Variants in ROBO2 observed in about 807,000 individuals in gnomAD.
The protein encoded by ROBO2 is roundabout homolog 2.
A neutral mutation model predicts 160.8 loss-of-function variants in ROBO2; 53 were observed. The observed-to-expected ratio is 0.33, with a 90% confidence interval of 0.26 to 0.41. The LOEUF is 0.41. Ranked by LOEUF, ROBO2 falls within the 10% of genes least tolerant of loss-of-function variation. The pLI is 1.00. For synonymous variants in ROBO2, 664 were observed against 611.7 expected (o/e 1.09, Z -1.26); for missense variants, 1,577 against 1,722.4 (o/e 0.92, Z 1.49).
intron 2 of ROBO2, among the ~76,000 whole-genome samples, chr3:76,886,263 T>A (rs55883914): frequency 0.63 from 94,617 of 149,006 alleles, 30,017 homozygotes; most frequent in Middle Eastern, 0.72. Context: ...CAAAAAAATA[T>A]ATATATATAT....
intron 2 of ROBO2, among the ~76,000 whole-genome samples, chr3:77,317,933 C>T (rs1000150087): frequency 6.7e-6 from 1 of 148,588 alleles, no homozygotes; most frequent in Non-Finnish European, 1.5e-5. Context: ...GGGGCTGCGG[C>T]GCCAAGGCAG....
intron 2 of ROBO2, among the ~76,000 whole-genome samples, chr3:76,000,489 ATTTTTT>A (rs62945460): frequency 8.8e-6 from 1 of 114,164 alleles, no homozygotes; most frequent in Non-Finnish European, 1.9e-5. Flanking sequence ...TTGTGCGCTT[ATTTTTT>A]TTTTTTTTTT....
intron 2 of ROBO2, among the ~76,000 whole-genome samples, chr3:76,409,132 A>G (rs17014102): frequency 0.051 from 7,736 of 152,114 alleles, 488 homozygotes; most frequent in African/African-American, 0.15. Context: ...ACTCATTGCT[A>G]TACACAAAAC....
At position 76,434,712 on chromosome 3, in the gene ROBO2, C is replaced by T. The variant is rs528815742; in HGVS notation, c.109+497110C>T. ...CCTCCCCGTTCACCAGGCAGGCCCC[C>T]CTCCTCCCCCAGTCTCTACCAGTTG... On this transcript the variant is annotated intron_variant, in intron 2 of 26. Transcript: ENST00000487694. The T allele has an allele frequency of 3.5e-5, 38 of 1,077,306 alleles. No homozygotes were observed. The African/African-American group carries it at 5.7e-4, about 16-fold the overall frequency. The allele number at this position is 1,077,306 out of a possible 1,614,324, so 66.7% of individuals were successfully genotyped here. A position where few individuals can be genotyped will look rare whatever the true frequency, so the allele number is the denominator to read the frequency against.
At chr3:77,130,998 A>G (rs1430219066) in intron 2 of ROBO2, among the ~76,000 whole-genome samples, 1 of 152,118 alleles carries the variant, frequency 6.6e-6, no homozygotes, top group African/African-American at 2.4e-5. Flanking sequence ...AGAGTATTAG[A>G]ATTTCTTACT....
chr3:76,370,066 T>C (rs2076028497), intron 2 of ROBO2, among the ~76,000 whole-genome samples: 1 of 151,996 alleles, frequency 6.6e-6, no homozygotes, highest in African/African-American at 2.4e-5. Flanking sequence ...AAATAGAACA[T>C]GCTATGTAGA....
intron 2 of ROBO2, among the ~76,000 whole-genome samples, chr3:76,602,979 T>C (rs1468592834): frequency 1.3e-5 from 2 of 152,178 alleles, no homozygotes; most frequent in Admixed American, 1.3e-4. Context: ...GCTCTCAAAG[T>C]ACTTTAACTT....
intron 2 of ROBO2, among the ~76,000 whole-genome samples, chr3:76,966,114 GT>G (rs1196815222): frequency 6.6e-6 from 1 of 151,552 alleles, no homozygotes; most frequent in Non-Finnish European, 1.5e-5. Context: ...TAGAGACGGG[GT>G]TTCTCCATGT....
intron 2 of ROBO2, among the ~76,000 whole-genome samples, chr3:77,184,309 A>G (rs1336101290): frequency 6.6e-6 from 1 of 152,098 alleles, no homozygotes; most frequent in Non-Finnish European, 1.5e-5. Flanking sequence ...CATTTACCAA[A>G]AAATTTTGAA....
chr3:77,249,591 T>G (rs1030598897), intron 2 of ROBO2, among the ~76,000 whole-genome samples: 9 of 150,860 alleles, frequency 6.0e-5, no homozygotes, highest in Middle Eastern at 3.2e-3. Flanking sequence ...CACTTTAAAA[T>G]GAGATATTGA....
At position 76,909,559 on chromosome 3, in the gene ROBO2, A is replaced by T. The variant is rs555996073; in HGVS notation, c.110-188455A>T. On this transcript the variant is annotated intron_variant, in intron 2 of 26. Transcript: ENST00000487694. ...CTCCCCTCAAAAAACTGAAACAAAA[A>T]AAATAATAATTTTTTCAAAAAGAAT... 6.2e-3 allele frequency among the ~76,000 whole-genome samples: 941 copies of T among 152,288 alleles called. 8 individuals carry two copies. The highest frequency in any genetic ancestry group is 0.021 in the African/African-American group (872 of 41,552).
intron 2 of ROBO2, among the ~76,000 whole-genome samples, chr3:76,094,134 TCACA>T (rs59815528): frequency 9.8e-4 from 146 of 148,602 alleles, no homozygotes; most frequent in African/African-American, 2.7e-3. Flanking sequence ...ACACTCGCAC[TCACA>T]CACACACACA....
intron 2 of ROBO2, among the ~76,000 whole-genome samples, chr3:77,422,498 A>T (rs767638313): frequency 1.3e-5 from 2 of 152,192 alleles, no homozygotes; most frequent in African/African-American, 2.4e-5. Context: ...TCCTCCTGAG[A>T]TATGACTCTG....
intron 2 of ROBO2, among the ~76,000 whole-genome samples, chr3:76,403,145 G>A (rs912554904): frequency 4.0e-5 from 6 of 151,418 alleles, no homozygotes; most frequent in Non-Finnish European, 7.4e-5. Context: ...TCTGTGGGGG[G>A]CCATTATTAT....
At chr3:76,986,230 T>C (rs1341786346) in intron 2 of ROBO2, among the ~76,000 whole-genome samples, 2 of 152,198 alleles carry the variant, frequency 1.3e-5, no homozygotes, top group Non-Finnish European at 2.9e-5. Flanking sequence ...CATTGATCGA[T>C]ACAATTTATA....
intron 2 of ROBO2, among the ~76,000 whole-genome samples, chr3:76,536,441 AG>A (rs1425990713): frequency 6.6e-6 from 1 of 152,104 alleles, no homozygotes; most frequent in Non-Finnish European, 1.5e-5. Flanking sequence ...AAAGTGTCTA[AG>A]GGTAGCCACC....
chr3:76,133,274 T>G (rs906223184), intron 2 of ROBO2, among the ~76,000 whole-genome samples: 3 of 152,038 alleles, frequency 2.0e-5, no homozygotes, highest in African/African-American at 2.4e-5. Context: ...AGATTTCGTT[T>G]GTTTGGATTG....
chr3:75,966,548 G>A (rs1190130781), intron 2 of ROBO2, among the ~76,000 whole-genome samples: 1 of 151,654 alleles, frequency 6.6e-6, no homozygotes, highest in Non-Finnish European at 1.5e-5. Context: ...GCTTGCATTT[G>A]AATCCTGCCT....
At chr3:75,960,332 T>C (rs1419679228) in intron 2 of ROBO2, among the ~76,000 whole-genome samples, 3 of 151,820 alleles carry the variant, frequency 2.0e-5, no homozygotes, top group African/African-American at 7.2e-5. Context: ...TAAGTTTAAC[T>C]ATAATCTTGT....
Sources: gnomAD v4.1 joint callset for allele counts (sites outside exome capture counted in the v4.1 genomes callset) on GRCh38, gnomAD v4.1.1 for gene constraint, MANE v1.5 for transcripts, NCBI Gene and HGNC (gene_info 2026-07-23, HGNC 2026-07-21) for gene names.